Variants in MED13 observed in about 807,000 individuals in gnomAD.
The protein encoded by MED13 is mediator of RNA polymerase II transcription subunit 13.
Under a neutral mutation model 225.2 loss-of-function variants are expected in MED13, and 23 were observed. The ratio of observed to expected loss-of-function variants is 0.10; its 90% confidence interval spans 0.07 to 0.14. The LOEUF is 0.14. Among genes scored for constraint, MED13 ranks in the 10% least tolerant of loss-of-function variants. The probability of loss-of-function intolerance (pLI) is 1.00; values close to 1 mark genes in which losing one functional copy is unlikely to be tolerated. For synonymous variants in MED13, 942 were observed against 889.2 expected (o/e 1.06, Z -1.06); for missense variants, 2,197 against 2,594.5 (o/e 0.85, Z 3.33).
chr17:61,978,667 A>T (rs1486581468), intron 16 of MED13, among the ~76,000 whole-genome samples: 2 of 151,950 alleles, frequency 1.3e-5, no homozygotes, highest in Non-Finnish European at 2.9e-5. Flanking sequence ...ATAGTGCTAG[A>T]GTCATGGTAG....
At chr17:61,989,008 A>C in intron 11 of MED13, among the ~76,000 whole-genome samples, 1 of 148,078 alleles carries the variant, frequency 6.8e-6, no homozygotes. Context: ...ACTTCCATGA[A>C]TCCAGCTTTT....
chr17:62,001,609 C>G (rs2080395944), intron 9 of MED13, among the ~76,000 whole-genome samples: 1 of 152,200 alleles, frequency 6.6e-6, no homozygotes, highest in South Asian at 2.1e-4. Context: ...CATTTCTCAT[C>G]ATGACACACC....
At chr17:61,984,912 A>T in intron 13 of MED13, 47 bp from the exon 14 acceptor site, 1 of 1,593,450 alleles carries the variant, frequency 6.3e-7, no homozygotes, top group Non-Finnish European at 8.6e-7. Context: ...AAAATAGGCG[A>T]ATCTGTGTTT....
intron 6 of MED13, 157 bp downstream of exon 6, chr17:62,031,284 AAAT>A: frequency 1.6e-6 from 1 of 615,252 alleles, no homozygotes; most frequent in Non-Finnish European, 2.7e-6. Context: ...GTGATGGAGT[AAAT>A]AATAACAGTT....
intron 2 of MED13, among the ~76,000 whole-genome samples, chr17:62,056,743 T>C (rs1057398408): frequency 6.6e-6 from 1 of 152,048 alleles, no homozygotes; most frequent in African/African-American, 2.4e-5. Flanking sequence ...TGAGACAAAG[T>C]GTGACCTCCA....
intron 10 of MED13, among the ~76,000 whole-genome samples, chr17:61,993,986 A>G (rs76511454): frequency 6.6e-6 from 1 of 151,702 alleles, no homozygotes; most frequent in Non-Finnish European, 1.5e-5. Flanking sequence ...GATCCTTTTC[A>G]TAACTTTACA....
intron 12 of MED13, among the ~76,000 whole-genome samples, chr17:61,986,523 CCT>C (rs1189882333): frequency 9.9e-5 from 15 of 151,982 alleles, no homozygotes; most frequent in East Asian, 3.9e-4. Flanking sequence ...TTATTTTTTT[CCT>C]CTTTTATTGT....
Position 62,033,872 on chromosome 17 carries a change from T to A in MED13, c.729A>T (p.Ser243=). 6.2e-7 allele frequency: 1 copy of A among 1,613,270 alleles called. No individual in the cohort carries two copies. The highest frequency in any genetic ancestry group is 8.5e-7 in the Non-Finnish European group (1 of 1,179,318). The change falls in exon 5 of 30, where the codon TCA becomes TCT. Residue 243 remains serine (S), a synonymous_variant. Coordinates refer to ENST00000397786, the MANE Select transcript of MED13 (RefSeq NM_005121.3). ...IGEWKQFYPI[S]CCLKEMSEEK... is the part of the protein sequence containing the mutation. ...CTTCAGACATCTCCTTCAAGCAACA[T>A]GAGATAGGATAGAACTGTTTCCATT...
At chr17:61,964,628 C>T (rs1300246964) in intron 20 of MED13, among the ~76,000 whole-genome samples, 1 of 152,064 alleles carries the variant, frequency 6.6e-6, no homozygotes, top group Non-Finnish European at 1.5e-5. Flanking sequence ...TCATTCAAAA[C>T]GTCTTATTTA....
At chr17:62,010,520 A>T in intron 9 of MED13, 30 bp downstream of exon 9, 1 of 1,349,692 alleles carries the variant, frequency 7.4e-7, no homozygotes, top group African/African-American at 1.5e-5. Flanking sequence ...CCCTTAAATT[A>T]TAATGGTGAC....
At chr17:62,023,012 T>A (rs911666675) in intron 8 of MED13, among the ~76,000 whole-genome samples, 6 of 151,912 alleles carry the variant, frequency 3.9e-5, no homozygotes, top group Non-Finnish European at 7.4e-5. Flanking sequence ...TCTAAAAAAA[T>A]AATAATATTT....
chr17:62,044,408 C>T (rs2080881266), intron 3 of MED13, among the ~76,000 whole-genome samples: 1 of 152,158 alleles, frequency 6.6e-6, no homozygotes, highest in South Asian at 2.1e-4. Flanking sequence ...CCATCCTTTC[C>T]TTCCTGTGAA....
intron 3 of MED13, among the ~76,000 whole-genome samples, chr17:62,039,689 T>G (rs958179427): frequency 6.6e-6 from 1 of 151,270 alleles, no homozygotes; most frequent in Non-Finnish European, 1.5e-5. Flanking sequence ...CCTCCCGGGT[T>G]CAAGCAATTC....
chr17:62,021,497 C>G (rs915944487), intron 8 of MED13, among the ~76,000 whole-genome samples: 10 of 151,918 alleles, frequency 6.6e-5, no homozygotes, highest in Admixed American at 6.5e-4. Context: ...GGCGGCCGGG[C>G]AGAGGCGCCC....
At chr17:62,055,861 CA>C (rs2080992858) in intron 2 of MED13, among the ~76,000 whole-genome samples, 1 of 151,970 alleles carries the variant, frequency 6.6e-6, no homozygotes, top group Admixed American at 6.6e-5. Flanking sequence ...GAAAAGTAAT[CA>C]GTATTAATCT....
At chr17:62,019,927 G>A (rs2080622306) in intron 8 of MED13, among the ~76,000 whole-genome samples, 1 of 151,690 alleles carries the variant, frequency 6.6e-6, no homozygotes, top group Non-Finnish European at 1.5e-5. Flanking sequence ...TGTATTTTTA[G>A]TAGAAACACG....
chr17:62,013,540 T>C (rs1043348050), intron 8 of MED13, among the ~76,000 whole-genome samples: 1 of 151,408 alleles, frequency 6.6e-6, no homozygotes, highest in Non-Finnish European at 1.5e-5. Context: ...CTTGATCTGA[T>C]GGATATCTAT....
Position 61,968,221 on chromosome 17 carries a change from T to G in MED13, c.4005A>C (p.Thr1335=). The change falls in exon 18 of 30, where the codon ACA becomes ACC. Residue 1335 remains threonine (T), a synonymous_variant. Coordinates refer to ENST00000397786, the MANE Select transcript of MED13 (RefSeq NM_005121.3). ...DESPEPLPIP[T]FLLGYDYDYL... ...AATCATAATCATAACCCAACAAAAA[T>G]GTGGGGATTGGCAGTGGTTCTGGGG... is the stretch of plus-strand genomic sequence containing the variant. The G allele has an allele frequency of 6.2e-7, 1 of 1,614,022 alleles. No homozygotes were observed. The highest frequency in any genetic ancestry group is 2.2e-5 in the East Asian group (1 of 44,864).
Position 61,945,359 on chromosome 17 carries a change from C to T in MED13, c.*1109G>A, listed in dbSNP as rs1048498340. The T allele has an allele frequency of 6.6e-6, 1 of 152,408 alleles. No homozygotes were observed. Among genetic ancestry groups the T allele is most frequent in the African/African-American group, 2.4e-5 (1 of 41,386 alleles). 9.4% of individuals were successfully genotyped at this position (152,408 alleles called of 1,614,324 possible). A position where few individuals can be genotyped will look rare whatever the true frequency, so the allele number is the denominator to read the frequency against. ...TGCCTAGAGCTGGGCTAAATTTCAA[C>T]CTTATAGCAGATCCTGAAAATAAAT... On this transcript the variant is annotated 3_prime_UTR_variant, in exon 30 of 30. Transcript: ENST00000397786.
Sources: allele counts gnomAD v4.1 joint callset (sites outside exome capture counted in the v4.1 genomes callset), GRCh38; gene constraint gnomAD v4.1.1; transcripts MANE v1.5; gene names NCBI Gene and HGNC (gene_info 2026-07-23, HGNC 2026-07-21).